The following CILK1 variants were observed in gnomAD, a reference collection of about 807,000 sequenced individuals.
CILK1 encodes serine/threonine-protein kinase ICK.
Under a neutral mutation model 79.2 loss-of-function variants are expected in CILK1, and 47 were observed. That is an observed-to-expected ratio of 0.59 (90% confidence interval 0.47 to 0.76). The LOEUF (loss-of-function observed/expected upper bound fraction) is 0.76. Among genes scored for constraint, CILK1 ranks in the 30% least tolerant of loss-of-function variants. The probability of loss-of-function intolerance (pLI) is 0.00; values close to 1 mark genes in which losing one functional copy is unlikely to be tolerated. For synonymous variants in CILK1, 266 were observed against 275.9 expected, an observed-to-expected ratio of 0.96 and a Z score of 0.36; for missense variants, 660 against 769.5, an observed-to-expected ratio of 0.86 and a Z score of 1.68.
intron 1 of CILK1, among the ~76,000 whole-genome samples, chr6:53,059,806 T>C (rs902505312): frequency 1.3e-5 from 2 of 152,182 alleles, no homozygotes; most frequent in Non-Finnish European, 2.9e-5. Flanking sequence ...TATGATGAAG[T>C]GATCATTTTA....
At chr6:53,038,309 T>C (rs1766486773) in intron 2 of CILK1, among the ~76,000 whole-genome samples, 1 of 152,206 alleles carries the variant, frequency 6.6e-6, no homozygotes, top group Non-Finnish European at 1.5e-5. Flanking sequence ...ACCAGAGCTG[T>C]CCAGCAGAAC....
In CILK1 at chr6:53,018,355, CA is replaced by C; in HGVS notation, c.637del (p.Cys213AlafsTer22). 1 of 1,614,132 alleles carries C rather than the reference CA, an allele frequency of 6.2e-7. No individual in the cohort carries two copies. The highest frequency in any genetic ancestry group is 8.5e-7 in the Non-Finnish European group (1 of 1,180,032). On this transcript the variant is annotated frameshift_variant, in exon 7 of 14. Transcript: ENST00000676107. LOFTEE classifies it high-confidence loss of function. ...ASEIDTIFKI[C>X]QVLGTPKKTD... ...CTTTTTTGGTGTCCCCAGCACTTGG[CA>C]AATTTTGAATATTGTGTCAATTTCA...
chr6:53,031,818 C>A (rs1765980892), intron 4 of CILK1, among the ~76,000 whole-genome samples: 1 of 152,124 alleles, frequency 6.6e-6, no homozygotes, highest in African/African-American at 2.4e-5. Context: ...TAAGTCTGAG[C>A]TTCTTTGGAT....
At chr6:53,025,941 A>G (rs1468227820) in intron 5 of CILK1, among the ~76,000 whole-genome samples, 1 of 152,106 alleles carries the variant, frequency 6.6e-6, no homozygotes, top group African/African-American at 2.4e-5. Flanking sequence ...TGACATTACT[A>G]TTTCCTTATG....
intron 3 of CILK1, among the ~76,000 whole-genome samples, chr6:53,032,959 T>C (rs1030437886): frequency 6.6e-6 from 1 of 152,110 alleles, no homozygotes; most frequent in Non-Finnish European, 1.5e-5. Context: ...CTCCAGATGA[T>C]GGAATTCAGG....
chr6:53,005,325 G>A (rs201487083), intron 13 of CILK1, 22 bp from the exon 14 acceptor site: 287 of 1,613,818 alleles, frequency 1.8e-4, no homozygotes, highest in Non-Finnish European at 2.2e-4. Context: ...GAAAAAGGCC[G>A]GCATGACTGA....
In CILK1 at chr6:53,013,645, G is replaced by C; in HGVS notation, c.1152+17C>G. ...ATAAACAGACACGAAGCTCACTGGT[G>C]AATCTGGGCTGCTCACCGACTGTGG... On this transcript the variant is annotated intron_variant, in intron 9 of 13. Coordinates refer to ENST00000676107, the MANE Select transcript of CILK1 (RefSeq NM_014920.5). 6.2e-7 allele frequency: 1 copy of C among 1,611,972 alleles called. No homozygotes were observed. Among genetic ancestry groups the C allele is most frequent in the Non-Finnish European group, 8.5e-7 (1 of 1,178,194 alleles).
At chr6:53,031,343 C>CA (rs1765949411) in intron 4 of CILK1, among the ~76,000 whole-genome samples, 199 bp from the exon 5 acceptor site, 1 of 152,050 alleles carries the variant, frequency 6.6e-6, no homozygotes, top group South Asian at 2.1e-4. Flanking sequence ...ATATAAATAT[C>CA]AAAAAATCTC....
chr6:53,033,642 A>G (rs1400972726), intron 3 of CILK1, among the ~76,000 whole-genome samples: 1 of 152,212 alleles, frequency 6.6e-6, no homozygotes, highest in Non-Finnish European at 1.5e-5. Flanking sequence ...TACATAGAGA[A>G]GAGAGTCCAA....
intron 3 of CILK1, among the ~76,000 whole-genome samples, chr6:53,035,965 T>C (rs1480566761): frequency 9.3e-6 from 1 of 107,858 alleles, no homozygotes; most frequent in Non-Finnish European, 1.9e-5. Context: ...CGCGTGGGTG[T>C]GGGGGTGGGG....
At chr6:53,009,680 T>A in intron 11 of CILK1, 113 bp from the exon 12 acceptor site, 1 of 899,270 alleles carries the variant, frequency 1.1e-6, no homozygotes, top group Non-Finnish European at 1.7e-6. Flanking sequence ...TATGATACAA[T>A]AATCAAAGCA....
rs919225629 is a variant in CILK1 at position 53,004,980 on chromosome 6, T to TA, written c.*168dup. 773 of 681,264 alleles carry TA rather than the reference T, an allele frequency of 1.1e-3. No homozygotes were observed. The highest frequency in any genetic ancestry group is 1.6e-3 in the African/African-American group (86 of 55,342). 42.2% of individuals were successfully genotyped at this position (681,264 alleles called of 1,614,324 possible). On this transcript the variant is annotated 3_prime_UTR_variant, in exon 14 of 14. Transcript: ENST00000676107. Reference sequence around the variant, plus strand: ...GCCTACTGCATTCAAATCAATATTTTAAAAAAAAACTTTAAAAAAGAATAT... The same window carrying TA: ...GCCTACTGCATTCAAATCAATATTTTAAAAAAAAAACTTTAAAAAAGAATAT...
intron 1 of CILK1, among the ~76,000 whole-genome samples, chr6:53,048,693 G>A (rs1354337550): frequency 1.3e-5 from 2 of 152,126 alleles, no homozygotes; most frequent in South Asian, 2.1e-4. Context: ...AGGCGCCTTC[G>A]CTGCTCTACT....
At chr6:53,029,776 C>T (rs373535307) in intron 5 of CILK1, among the ~76,000 whole-genome samples, 4 of 152,190 alleles carry the variant, frequency 2.6e-5, no homozygotes, top group East Asian at 3.8e-4. Context: ...GGCTTCCACC[C>T]AGTCTCCTTG....
chr6:53,048,427 GA>G (rs36116592), intron 1 of CILK1, among the ~76,000 whole-genome samples: 11 of 152,154 alleles, frequency 7.2e-5, no homozygotes, highest in African/African-American at 2.6e-4. Flanking sequence ...TTCCCATACT[GA>G]AAAAAAGTGA....
chr6:53,057,218 G>C (rs949870785), intron 1 of CILK1, among the ~76,000 whole-genome samples: 2 of 152,062 alleles, frequency 1.3e-5, no homozygotes, highest in Admixed American at 1.3e-4. Flanking sequence ...TTTTATGGTA[G>C]TCAAAAGAGC....
In CILK1 at chr6:53,050,305, C is replaced by G. The variant is rs16883396; in HGVS notation, c.-172-8897G>C. 4.4e-3 allele frequency among the ~76,000 whole-genome samples: 676 copies of G among 151,988 alleles called. 9 individuals are homozygous for G. Among genetic ancestry groups the G allele is most frequent in the African/African-American group, 0.015 (623 of 41,454 alleles). ...CATAATATTTCACCCGTAAGTCACT[C>G]CATTGAGACCTCACTCCACAAGTAG... is the stretch of plus-strand genomic sequence containing the variant. On this transcript the variant is annotated intron_variant, in intron 1 of 13. Transcript: ENST00000676107.
chr6:53,032,289 A>G (rs1321232293), intron 4 of CILK1, among the ~76,000 whole-genome samples: 1 of 152,206 alleles, frequency 6.6e-6, no homozygotes, highest in Non-Finnish European at 1.5e-5. Flanking sequence ...GGATTGGAGA[A>G]AAAATCAGAA....
Position 53,016,214 on chromosome 6 carries a change from T to C in CILK1, c.700A>G (p.Met234Val), listed in dbSNP as rs1764886123. 4.3e-6 allele frequency: 7 copies of C among 1,614,018 alleles called. No individual in the cohort carries two copies. Among genetic ancestry groups the C allele is most frequent in the Admixed American group, 1.7e-5 (1 of 60,012 alleles). ...WPEGYQLSSA[M>V]NFRWPQCVPN... ...ACACACTGTGGCCAACGGAAGTTCA[T>C]TGCACTTGAAAGTTGATAGCCTTCA... is the stretch of plus-strand genomic sequence containing the variant. The change falls in exon 8 of 14, where the codon ATG becomes GTG. Residue 234 changes from methionine (M) to valine (V), a missense_variant. Physicochemically the swap from Met to Val is conservative, Grantham distance 21. Transcript: ENST00000676107.
Sources: gnomAD v4.1 joint callset for allele counts (sites outside exome capture counted in the v4.1 genomes callset) on GRCh38, gnomAD v4.1.1 for gene constraint, MANE v1.5 for transcripts, NCBI Gene and HGNC (gene_info 2026-07-23, HGNC 2026-07-21) for gene names.